The following EEF1AKMT4 variants were observed in gnomAD, a reference collection of about 807,000 sequenced individuals.
The protein encoded by EEF1AKMT4 is EEF1A lysine methyltransferase 4.
EEF1AKMT4 carries 17 observed loss-of-function variants against 23.0 expected under a neutral mutation model. The ratio of observed to expected loss-of-function variants is 0.74; its 90% confidence interval spans 0.51 to 1.11. The LOEUF is 1.11. Ranked by LOEUF, EEF1AKMT4 falls within the 50% of genes least tolerant of loss-of-function variation. EEF1AKMT4 has a pLI of 0.00. For synonymous variants in EEF1AKMT4, 140 were observed against 141.4 expected, an observed-to-expected ratio of 0.99 and a Z score of 0.07; for missense variants, 318 against 333.4, an observed-to-expected ratio of 0.95 and a Z score of 0.36.
At chr3:184,252,946 CAAAAAA>C (rs563455729) in intron 1 of EEF1AKMT4, among the ~76,000 whole-genome samples, 2 of 45,384 alleles carry the variant, frequency 4.4e-5, no homozygotes, top group Non-Finnish European at 4.2e-5. Context: ...AACTCCATCT[CAAAAAA>C]AAAAAAAAAA....
chr3:184,252,055 T>C (rs1163859356), intron 1 of EEF1AKMT4, among the ~76,000 whole-genome samples: 1 of 152,210 alleles, frequency 6.6e-6, no homozygotes, highest in African/African-American at 2.4e-5. Flanking sequence ...CTTAGATCTG[T>C]TTTCTCAAGC....
chr3:184,252,946 C>CAAAA (rs563455729), intron 1 of EEF1AKMT4, among the ~76,000 whole-genome samples: 4 of 45,396 alleles, frequency 8.8e-5, no homozygotes, highest in African/African-American at 2.5e-4. Context: ...AACTCCATCT[C>CAAAA]AAAAAAAAAA....
At position 184,253,254 on chromosome 3, in the gene EEF1AKMT4, G is replaced by A. The variant is rs531145227; in HGVS notation, c.196+3364G>A. 7.2e-5 allele frequency among the ~76,000 whole-genome samples: 11 copies of A among 152,194 alleles called. No homozygotes were observed. The South Asian group carries it at 2.3e-3, about 32-fold the overall frequency. ...AGAAGCAAACACACACCAAAACCCA[G>A]GGATATAAAAATAAAAATCGGTAAA... On this transcript the variant is annotated intron_variant, in intron 1 of 2. Coordinates refer to ENST00000324557, the MANE Select transcript of EEF1AKMT4 (RefSeq NM_032331.4).
chr3:184,257,246 T>C (rs1027237708), intron 1 of EEF1AKMT4, among the ~76,000 whole-genome samples: 1 of 151,300 alleles, frequency 6.6e-6, no homozygotes, highest in African/African-American at 2.4e-5. Flanking sequence ...GTTTCTAGTA[T>C]TTAAACAACT....
At chr3:184,250,028 C>CA in intron 1 of EEF1AKMT4, 138 bp downstream of exon 1, 7 of 941,406 alleles carry the variant, frequency 7.4e-6, no homozygotes, top group Non-Finnish European at 1.1e-5. Context: ...CCAGCTCCTT[C>CA]AGAGTCCCGG....
chr3:184,256,279 AAAAAAAAAAAAG>A (rs1334063030), intron 1 of EEF1AKMT4, among the ~76,000 whole-genome samples: 1 of 150,238 alleles, frequency 6.7e-6, no homozygotes, highest in Non-Finnish European at 1.5e-5. Context: ...TCTCAAAAAA[AAAAAAAAAAAAG>A]AAAAGAAAAG....
rs59087969 is a variant in EEF1AKMT4 at position 184,256,272 on chromosome 3, C to CAAAAAAAAA, written c.197-1191_197-1183dup. On this transcript the variant is annotated intron_variant, in intron 1 of 2. Transcript: ENST00000324557. ...GGGCAACAAGAGTGAAACTCCATCTCAAAAAAAAAAAAAAAAAAGAAAAGA... is the reference window on the plus strand; with the variant it reads ...GGGCAACAAGAGTGAAACTCCATCTCAAAAAAAAAAAAAAAAAAAAAAAAAAAGAAAAGA... Among the ~76,000 whole-genome samples, 48 of 54,190 alleles carry CAAAAAAAAA rather than the reference C, an allele frequency of 8.9e-4. 1 individual carries two copies. Among genetic ancestry groups the CAAAAAAAAA allele is most frequent in the East Asian group, 1.1e-3 (2 of 1,824 alleles). 35.6% of individuals were successfully genotyped at this position (54,190 alleles called of 152,430 possible). A position where few individuals can be genotyped will look rare whatever the true frequency, so the allele number is the denominator to read the frequency against.
At chr3:184,251,383 A>T (rs1253110800) in intron 1 of EEF1AKMT4, among the ~76,000 whole-genome samples, 2 of 152,018 alleles carry the variant, frequency 1.3e-5, no homozygotes, top group South Asian at 2.1e-4. Flanking sequence ...AAATACAAAA[A>T]TCAGCCAGGT....
At chr3:184,258,127 G>T (rs1046536297) in intron 2 of EEF1AKMT4, among the ~76,000 whole-genome samples, 161 bp from the exon 3 acceptor site, 4 of 152,126 alleles carry the variant, frequency 2.6e-5, no homozygotes, top group Non-Finnish European at 5.9e-5. Context: ...CCAAGGAATG[G>T]CCAGGGGCAG....
intron 1 of EEF1AKMT4, among the ~76,000 whole-genome samples, chr3:184,254,066 T>G (rs2108449380): frequency 6.6e-6 from 1 of 151,996 alleles, no homozygotes; most frequent in East Asian, 1.9e-4. Flanking sequence ...TGTTAGCTAT[T>G]ATTATTTTTA....
At chr3:184,256,951 T>C (rs1361514961) in intron 1 of EEF1AKMT4, among the ~76,000 whole-genome samples, 5 of 152,152 alleles carry the variant, frequency 3.3e-5, no homozygotes, top group African/African-American at 1.2e-4. Flanking sequence ...ATTACAGGCG[T>C]GAACCACCGT....
chr3:184,250,421 G>A (rs1300543802), intron 1 of EEF1AKMT4, among the ~76,000 whole-genome samples: 1 of 152,212 alleles, frequency 6.6e-6, no homozygotes, highest in Non-Finnish European at 1.5e-5. Context: ...ATGCCTTAGA[G>A]AGTGAGAACA....
intron 1 of EEF1AKMT4, among the ~76,000 whole-genome samples, chr3:184,255,357 G>A (rs1044364995): frequency 6.6e-6 from 1 of 152,206 alleles, no homozygotes; most frequent in African/African-American, 2.4e-5. Flanking sequence ...TGAGCCCCAG[G>A]GCTTGAAGAG....
chr3:184,252,740 C>T (rs924636154), intron 1 of EEF1AKMT4, among the ~76,000 whole-genome samples: 6 of 151,974 alleles, frequency 3.9e-5, no homozygotes, highest in East Asian at 1.9e-4. Context: ...GTCAGGAGTT[C>T]GAGAGCAGCC....
intron 1 of EEF1AKMT4, among the ~76,000 whole-genome samples, chr3:184,251,217 C>A (rs1329371100): frequency 1.3e-5 from 2 of 151,980 alleles, no homozygotes; most frequent in Admixed American, 1.3e-4. Context: ...CCAGCCTGGG[C>A]AACATAGTGA....
chr3:184,253,149 C>T (rs1445324555), intron 1 of EEF1AKMT4, among the ~76,000 whole-genome samples: 1 of 151,994 alleles, frequency 6.6e-6, no homozygotes, highest in Non-Finnish European at 1.5e-5. Flanking sequence ...TTGGTAAGAG[C>T]TAGAGGGAAC....
In EEF1AKMT4 at chr3:184,258,571, T is replaced by G. The variant is rs146496593; in HGVS notation, c.764T>G (p.Leu255Arg). ...GAGGACTTCCTTAGTGCCATTCAGC[T>G]CTGAGGCCAGAGCATGGTCCTCCAC... ...DHEDFLSAIQ[L>R] The change falls in exon 3 of 3, where the codon CTC becomes CGC. Residue 255 changes from leucine (L) to arginine (R), a missense_variant. Physicochemically the swap from Leu to Arg is moderately radical, Grantham distance 102 (BLOSUM62 -2). Coordinates refer to ENST00000324557, the MANE Select transcript of EEF1AKMT4 (RefSeq NM_032331.4). 8.2e-6 allele frequency: 13 copies of G among 1,577,472 alleles called. No homozygotes were observed. The African/African-American group carries it at 1.8e-4, about 21-fold the overall frequency.
rs768012597 is a variant in EEF1AKMT4 at position 184,249,748 on chromosome 3, C to T, written c.54C>T (p.Cys18=). The part of the protein sequence containing the change: ...RAPPELPERN[C]GYREVEYWDQ... ...CTCCGGAGTTACCGGAGCGGAACTGCGGGTACCGCGAAGTCGAGTACTGGG... is the reference window on the plus strand; with the variant it reads ...CTCCGGAGTTACCGGAGCGGAACTGTGGGTACCGCGAAGTCGAGTACTGGG... Residue 18 remains cysteine (C), a synonymous_variant, in exon 1 of 3, where the codon TGC becomes TGT. Coordinates refer to ENST00000324557, the MANE Select transcript of EEF1AKMT4 (RefSeq NM_032331.4). 1 of 1,613,058 alleles carries T rather than the reference C, an allele frequency of 6.2e-7. No individual in the cohort carries two copies. The highest frequency in any genetic ancestry group is 8.5e-7 in the Non-Finnish European group (1 of 1,179,940).
chr3:184,250,030 G>C (rs1335556818), intron 1 of EEF1AKMT4, 140 bp downstream of exon 1: 12 of 930,812 alleles, frequency 1.3e-5, no homozygotes, highest in South Asian at 1.0e-4. Flanking sequence ...AGCTCCTTCA[G>C]AGTCCCGGCT....
Sources: gnomAD v4.1 joint callset for allele counts (sites outside exome capture counted in the v4.1 genomes callset) on GRCh38, gnomAD v4.1.1 for gene constraint, MANE v1.5 for transcripts, NCBI Gene and HGNC (gene_info 2026-07-23, HGNC 2026-07-21) for gene names.